Variants in STK33 observed in about 807,000 individuals in gnomAD.
STK33 encodes serine/threonine-protein kinase 33.
In STK33, 52 loss-of-function variants were observed where a neutral mutation model predicts 58.0. The observed-to-expected ratio is 0.90, with a 90% CI of 0.72 to 1.13. The LOEUF (loss-of-function observed/expected upper bound fraction) is 1.13, where lower values mean the gene tolerates loss of function less well. STK33 is among the 50% of genes most tolerant of loss of function. The pLI, the probability that STK33 is intolerant of heterozygous loss-of-function variation, is 0.00. For missense variants in STK33, 630 were observed against 604.2 expected (o/e 1.04, Z -0.45); for synonymous variants, 215 against 200.1 (o/e 1.07, Z -0.63).
intron 8 of STK33, among the ~76,000 whole-genome samples, chr11:8,458,421 TA>T (rs34675150): frequency 0.08 from 11,496 of 143,728 alleles, 441 homozygotes; most frequent in African/African-American, 0.095. Flanking sequence ...TATGGGCCAT[TA>T]AAAAAAAAAA....
chr11:8,391,461 A>G (rs1286811777), downstream of STK33, among the ~76,000 whole-genome samples: 1 of 152,240 alleles, frequency 6.6e-6, no homozygotes, highest in Admixed American at 6.5e-5. Context: ...CAAGAAGCAC[A>G]CGTACTATTT....
At chr11:8,486,512 C>G (rs761699378) in intron 1 of STK33, among the ~76,000 whole-genome samples, 2 of 152,144 alleles carry the variant, frequency 1.3e-5, no homozygotes, top group Non-Finnish European at 2.9e-5. Flanking sequence ...AATCTTGAGT[C>G]TTGGTTGAGT....
chr11:8,335,680 C>T, the STK33 span, among the ~76,000 whole-genome samples: 1 of 152,282 alleles, frequency 6.6e-6, no homozygotes, highest in East Asian at 1.9e-4. Context: ...CCAGGAGTCA[C>T]ATTTAAAAAG....
intron 1 of STK33, among the ~76,000 whole-genome samples, chr11:8,561,940 G>A (rs537564284): frequency 7.9e-5 from 12 of 152,084 alleles, no homozygotes; most frequent in Non-Finnish European, 1.3e-4. Context: ...TTGGCTGTCA[G>A]TATCATAGAC....
At chr11:8,397,213 A>C (rs1230821295) in intron 15 of STK33, among the ~76,000 whole-genome samples, 2 of 152,226 alleles carry the variant, frequency 1.3e-5, no homozygotes, top group Non-Finnish European at 2.9e-5. Flanking sequence ...GGCACCCCCA[A>C]GTAGGGGCAG....
chr11:8,343,249 A>G, the STK33 span, among the ~76,000 whole-genome samples: 1 of 152,234 alleles, frequency 6.6e-6, no homozygotes, highest in East Asian at 1.9e-4. Context: ...CTGGGGCAGG[A>G]AGCCATCACA....
chr11:8,559,797 T>A (rs193050581), intron 1 of STK33, among the ~76,000 whole-genome samples: 5 of 152,270 alleles, frequency 3.3e-5, no homozygotes, highest in Admixed American at 3.3e-4. Flanking sequence ...TCACAGATAA[T>A]CATTTCCAAT....
At chr11:8,578,991 A>C (rs1201172517) in intron 1 of STK33, among the ~76,000 whole-genome samples, 1 of 152,044 alleles carries the variant, frequency 6.6e-6, no homozygotes, top group African/African-American at 2.4e-5. Flanking sequence ...AGTACCTGGC[A>C]ATTATTATTA....
At chr11:8,460,478 A>C (rs1947379496) in intron 8 of STK33, among the ~76,000 whole-genome samples, 1 of 152,182 alleles carries the variant, frequency 6.6e-6, no homozygotes, top group Non-Finnish European at 1.5e-5. Context: ...TGAAGACAAC[A>C]ACAGAAACTA....
In STK33 at chr11:8,464,691, G is replaced by A. The variant is rs781488248; in HGVS notation, c.453+18C>T. ...ACTAACACTGTGCCCTCAGTAGGAT[G>A]CTGCTAATGAGCCTTACCTTTTCTT... is the stretch of plus-strand genomic sequence containing the variant. On this transcript the variant is annotated intron_variant, in intron 7 of 15. Coordinates refer to ENST00000687296, the MANE Select transcript of STK33 (RefSeq NM_001352389.2). 6.8e-5 allele frequency: 106 copies of A among 1,564,052 alleles called. No individual in the cohort carries two copies. The highest frequency in any genetic ancestry group is 9.2e-5 in the Non-Finnish European group (104 of 1,135,240).
At chr11:8,591,259 T>C (rs560149546) in intron 1 of STK33, among the ~76,000 whole-genome samples, 13 of 152,200 alleles carry the variant, frequency 8.5e-5, no homozygotes, top group African/African-American at 2.7e-4. Context: ...CATCCTCTTT[T>C]AGATTTTTTA....
chr11:8,506,282 C>T (rs1381403914), intron 1 of STK33, among the ~76,000 whole-genome samples: 1 of 152,154 alleles, frequency 6.6e-6, no homozygotes, highest in African/African-American at 2.4e-5. Context: ...GTTTCAGCTT[C>T]TTTGAGGAGG....
At chr11:8,347,748 C>G in the STK33 span, among the ~76,000 whole-genome samples, 10 of 152,224 alleles carry the variant, frequency 6.6e-5, no homozygotes, top group Non-Finnish European at 1.5e-4. Context: ...ACCTGACCAA[C>G]AGCACAAGCC....
intron 14 of STK33, among the ~76,000 whole-genome samples, chr11:8,426,326 C>CGGAGTGA (rs1942747565): frequency 6.6e-6 from 1 of 152,208 alleles, no homozygotes; most frequent in African/African-American, 2.4e-5. Context: ...CCCTATGCCG[C>CGGAGTGA]GGAGTGACTC....
intron 13 of STK33, 100 bp from the exon 14 acceptor site, chr11:8,435,679 A>G (rs1943974044): frequency 5.2e-6 from 3 of 582,400 alleles, no homozygotes; most frequent in Admixed American, 3.7e-5. Context: ...CAGGAAAGAA[A>G]GATGCCAAGT....
chr11:8,514,305 A>G (rs1287646694), intron 1 of STK33, among the ~76,000 whole-genome samples: 1 of 152,218 alleles, frequency 6.6e-6, no homozygotes, highest in Non-Finnish European at 1.5e-5. Flanking sequence ...CATTTTCTAC[A>G]AATTTTCTAT....
At chr11:8,339,983 C>T in the STK33 span, among the ~76,000 whole-genome samples, 2 of 152,248 alleles carry the variant, frequency 1.3e-5, no homozygotes, top group African/African-American at 2.4e-5. Flanking sequence ...GAGGGCACAG[C>T]GTCTTTTGCG....
At chr11:8,463,549 G>GT (rs1264215124) in intron 7 of STK33, among the ~76,000 whole-genome samples, 1 of 152,154 alleles carries the variant, frequency 6.6e-6, no homozygotes, top group African/African-American at 2.4e-5. Context: ...AAGAGAAATA[G>GT]TGACTGTGAG....
the STK33 span, among the ~76,000 whole-genome samples, chr11:8,341,817 GATAA>G: frequency 6.6e-6 from 1 of 152,208 alleles, no homozygotes; most frequent in Admixed American, 6.5e-5. Flanking sequence ...AAAATGGAAT[GATAA>G]ATAGAGTGTA....
Sources: gnomAD v4.1 joint callset for allele counts (sites outside exome capture counted in the v4.1 genomes callset) on GRCh38, gnomAD v4.1.1 for gene constraint, MANE v1.5 for transcripts, NCBI Gene and HGNC (gene_info 2026-07-23, HGNC 2026-07-21) for gene names.